The following INPP4B variants were observed in gnomAD, a reference collection of about 807,000 sequenced individuals.
The protein encoded by INPP4B is inositol polyphosphate-4-phosphatase type II B, also known as inositol polyphosphate 4-phosphatase type II.
INPP4B carries 55 observed loss-of-function variants against 122.5 expected under a neutral mutation model. That is an observed-to-expected ratio of 0.45 (90% CI 0.36 to 0.56). The LOEUF (loss-of-function observed/expected upper bound fraction) is 0.56. Ranked by LOEUF, INPP4B falls within the 20% of genes least tolerant of loss-of-function variation. The pLI, the probability that INPP4B is intolerant of heterozygous loss-of-function variation, is 0.00. For synonymous variants in INPP4B, 403 were observed against 388.7 expected, an observed-to-expected ratio of 1.04 and a Z score of -0.43; for missense variants, 1,000 against 1,097.7, an observed-to-expected ratio of 0.91 and a Z score of 1.26.
At chr4:142,747,565 T>C (rs1328685160) in intron 1 of INPP4B, among the ~76,000 whole-genome samples, 3 of 152,166 alleles carry the variant, frequency 2.0e-5, no homozygotes, top group African/African-American at 7.2e-5. Flanking sequence ...TAAAGACACA[T>C]GCACATGTAT....
chr4:142,518,421 A>G (rs1032506951), intron 2 of INPP4B, among the ~76,000 whole-genome samples: 21 of 152,100 alleles, frequency 1.4e-4, no homozygotes, highest in African/African-American at 4.6e-4. Flanking sequence ...AGTGATTGAT[A>G]TTTTCATTAC....
At chr4:142,413,531 G>A (rs1442635925) in intron 5 of INPP4B, among the ~76,000 whole-genome samples, 1 of 152,014 alleles carries the variant, frequency 6.6e-6, no homozygotes, top group Non-Finnish European at 1.5e-5. Flanking sequence ...CCATATTTTA[G>A]GGTTTTTATT....
chr4:142,814,611 C>A (rs1287391950), intron 1 of INPP4B, among the ~76,000 whole-genome samples: 1 of 151,886 alleles, frequency 6.6e-6, no homozygotes, highest in East Asian at 1.9e-4. Context: ...TTTTGGCTGA[C>A]CTAAAAGCTA....
intron 14 of INPP4B, among the ~76,000 whole-genome samples, chr4:142,201,255 T>C (rs1171826073): frequency 6.6e-6 from 1 of 152,094 alleles, no homozygotes; most frequent in African/African-American, 2.4e-5. Context: ...GCTATGGGTA[T>C]GTTAGGTTTG....
At chr4:142,488,773 T>C (rs1027110099) in intron 2 of INPP4B, among the ~76,000 whole-genome samples, 2 of 152,152 alleles carry the variant, frequency 1.3e-5, no homozygotes, top group Non-Finnish European at 2.9e-5. Flanking sequence ...TTTTCTTTCT[T>C]AATCTGCCTT....
intron 1 of INPP4B, among the ~76,000 whole-genome samples, chr4:142,825,336 G>T (rs1781325703): frequency 6.6e-6 from 1 of 152,086 alleles, no homozygotes; most frequent in African/African-American, 2.4e-5. Flanking sequence ...CACAAAATTT[G>T]AATGTTTTCA....
At position 142,699,843 on chromosome 4, in the gene INPP4B, C is replaced by G. The variant is rs1304896975; in HGVS notation, c.-191+25996G>C. On this transcript the variant is annotated intron_variant, in intron 2 of 25. Transcript: ENST00000262992. Reference sequence around the variant, plus strand: ...TCTTCTCCATCATTGTGAGTCAACTCTATATGCATTTGTCTAAAACTAACT... The same window carrying G: ...TCTTCTCCATCATTGTGAGTCAACTGTATATGCATTTGTCTAAAACTAACT... Among the ~76,000 whole-genome samples the G allele has an allele frequency of 2.6e-5, 4 of 152,122 alleles. No homozygotes were observed. In the East Asian group the frequency reaches 7.7e-4, roughly 29 times the overall value.
chr4:142,563,447 G>T (rs1227982284), intron 2 of INPP4B, among the ~76,000 whole-genome samples: 2 of 152,188 alleles, frequency 1.3e-5, no homozygotes, highest in African/African-American at 4.8e-5. Flanking sequence ...TTTTGTAACA[G>T]AATGGTTTGA....
chr4:142,774,809 T>G (rs1021726243), intron 1 of INPP4B, among the ~76,000 whole-genome samples: 2 of 152,070 alleles, frequency 1.3e-5, no homozygotes, highest in Non-Finnish European at 2.9e-5. Context: ...CAGTTTCTCT[T>G]ATTATTAACC....
At chr4:142,530,555 A>G (rs1445441399) in intron 2 of INPP4B, among the ~76,000 whole-genome samples, 1 of 19,868 alleles carries the variant, frequency 5.0e-5, no homozygotes, top group Non-Finnish European at 1.6e-4. Context: ...GTGTGCATAT[A>G]TATATATATA....
intron 7 of INPP4B, among the ~76,000 whole-genome samples, chr4:142,400,420 A>G (rs1394024272): frequency 1.3e-5 from 2 of 152,214 alleles, no homozygotes; most frequent in African/African-American, 4.8e-5. Flanking sequence ...TTAGAATATT[A>G]TGATCTTAAT....
At chr4:142,738,733 A>C (rs1300649819) in intron 1 of INPP4B, among the ~76,000 whole-genome samples, 1 of 152,146 alleles carries the variant, frequency 6.6e-6, no homozygotes. Context: ...TCAGTTGGAA[A>C]TAATATACAG....
At chr4:142,382,142 C>T (rs1794334093) in intron 7 of INPP4B, among the ~76,000 whole-genome samples, 1 of 152,076 alleles carries the variant, frequency 6.6e-6, no homozygotes, top group Non-Finnish European at 1.5e-5. Flanking sequence ...GGGACAGTTT[C>T]TATTTGTACT....
chr4:142,612,911 G>A (rs755392800), intron 2 of INPP4B, among the ~76,000 whole-genome samples: 3 of 152,154 alleles, frequency 2.0e-5, no homozygotes, highest in East Asian at 1.9e-4. Context: ...CACTTAGAAC[G>A]AAAAGTTATT....
chr4:142,179,568 A>ATGTTAATAGGAAAAAAAG (rs1178754612), intron 15 of INPP4B, among the ~76,000 whole-genome samples: 1 of 3,184 alleles, frequency 3.1e-4, no homozygotes, highest in South Asian at 9.6e-3. Flanking sequence ...CTGTGAAAAA[A>ATGTTAATAGGAAAAAAAG]AAAACATTCA....
At chr4:142,232,130 T>G (rs1206109425) in intron 12 of INPP4B, among the ~76,000 whole-genome samples, 2 of 152,200 alleles carry the variant, frequency 1.3e-5, no homozygotes, top group African/African-American at 4.8e-5. Flanking sequence ...AAGTTTTTGC[T>G]TACCCCTCAT....
intron 1 of INPP4B, among the ~76,000 whole-genome samples, chr4:142,735,675 T>A (rs1253705767): frequency 6.6e-6 from 1 of 152,184 alleles, no homozygotes; most frequent in African/African-American, 2.4e-5. Flanking sequence ...TCTTTCCACA[T>A]GTGCACCTGT....
intron 25 of INPP4B, among the ~76,000 whole-genome samples, chr4:142,075,486 C>T (rs1205300579): frequency 6.6e-6 from 1 of 151,992 alleles, no homozygotes; most frequent in Non-Finnish European, 1.5e-5. Flanking sequence ...AACCCTGTAG[C>T]CCACTAGCCC....
At chr4:142,095,660 TATCAG>T (rs1458743297) in intron 23 of INPP4B, among the ~76,000 whole-genome samples, 2 of 152,178 alleles carry the variant, frequency 1.3e-5, no homozygotes, top group Non-Finnish European at 2.9e-5. Context: ...TTTGAAAGAT[TATCAG>T]AGAATCAGTG....
Sources: gnomAD v4.1 joint callset for allele counts (sites outside exome capture counted in the v4.1 genomes callset) on GRCh38, gnomAD v4.1.1 for gene constraint, MANE v1.5 for transcripts, NCBI Gene and HGNC (gene_info 2026-07-23, HGNC 2026-07-21) for gene names.